The following MBOAT1 variants were observed in gnomAD, a reference collection of about 807,000 sequenced individuals.
MBOAT1 encodes the protein membrane-bound glycerophospholipid O-acyltransferase 1.
Under a neutral mutation model 64.4 loss-of-function variants are expected in MBOAT1, and 67 were observed. That is an observed-to-expected ratio of 1.04 (90% CI 0.85 to 1.27). The LOEUF (loss-of-function observed/expected upper bound fraction) is 1.27. MBOAT1 is among the 50% of genes most tolerant of loss of function. The pLI is 0.00. For synonymous variants in MBOAT1, 229 were observed against 218.9 expected (o/e 1.05, Z -0.41); for missense variants, 563 against 604.6 (o/e 0.93, Z 0.72).
intron 3 of MBOAT1, among the ~76,000 whole-genome samples, chr6:20,146,803 A>G (rs1323031799): frequency 6.6e-6 from 1 of 152,180 alleles, no homozygotes; most frequent in Non-Finnish European, 1.5e-5. Flanking sequence ...GTCCCAATAC[A>G]ACAGGGCAAC....
At chr6:20,205,736 G>A (rs1359265812) in intron 1 of MBOAT1, among the ~76,000 whole-genome samples, 2 of 151,980 alleles carry the variant, frequency 1.3e-5, no homozygotes, top group African/African-American at 2.4e-5. Flanking sequence ...TACATTCAAT[G>A]CCCTCAGACT....
intron 1 of MBOAT1, among the ~76,000 whole-genome samples, chr6:20,189,298 T>C (rs573053928): frequency 1.3e-5 from 2 of 152,336 alleles, no homozygotes; most frequent in East Asian, 1.9e-4. Context: ...GAAATACACA[T>C]AGATTGTGGA....
intron 4 of MBOAT1, among the ~76,000 whole-genome samples, chr6:20,141,513 T>C (rs1761177154): frequency 6.6e-6 from 1 of 151,896 alleles, no homozygotes; most frequent in African/African-American, 2.4e-5. Context: ...GCACGCACCA[T>C]CACACCCAGC....
intron 1 of MBOAT1, among the ~76,000 whole-genome samples, chr6:20,176,622 T>C (rs1265409080): frequency 6.6e-6 from 1 of 152,098 alleles, no homozygotes; most frequent in African/African-American, 2.4e-5. Flanking sequence ...ACTTCAGAAA[T>C]AGCTAATTTT....
rs116304642 is a variant in MBOAT1, at chr6:20,157,563, C to T, written c.100-4794G>A. Among the ~76,000 whole-genome samples, 950 of 152,196 alleles carry T rather than the reference C, an allele frequency of 6.2e-3. 15 individuals carry two copies. Among genetic ancestry groups the T allele is most frequent in the African/African-American group, 0.021 (877 of 41,524 alleles). On this transcript the variant is annotated intron_variant, in intron 1 of 12. Transcript: ENST00000324607. ...GCCCACACATTCCCTGCACTACCTA[C>T]GTACACTCACATACACAAACAGTGA... is the stretch of plus-strand genomic sequence containing the variant.
At chr6:20,144,442 C>T (rs1208894876) in intron 3 of MBOAT1, 127 bp from the exon 4 acceptor site, 2 of 631,416 alleles carry the variant, frequency 3.2e-6, no homozygotes, top group African/African-American at 3.6e-5. Context: ...GGTCTGACGA[C>T]ATCCCAGGCC....
intron 7 of MBOAT1, among the ~76,000 whole-genome samples, chr6:20,125,369 G>C (rs1188567471): frequency 6.6e-6 from 1 of 152,200 alleles, no homozygotes; most frequent in Non-Finnish European, 1.5e-5. Flanking sequence ...ACAGTGCCTG[G>C]ATCCCAGTTA....
intron 4 of MBOAT1, among the ~76,000 whole-genome samples, chr6:20,141,055 G>A (rs1476788147): frequency 1.3e-5 from 2 of 152,130 alleles, no homozygotes; most frequent in Admixed American, 6.5e-5. Flanking sequence ...GGTACAGGGA[G>A]TGGGGGGAGG....
chr6:20,118,000 A>G (rs1760377963), intron 9 of MBOAT1, among the ~76,000 whole-genome samples: 1 of 152,214 alleles, frequency 6.6e-6, no homozygotes, highest in Non-Finnish European at 1.5e-5. Context: ...TCTTCTTACA[A>G]GTGAATGGAT....
rs1561773405 is a variant in MBOAT1, at chr6:20,168,640, A to AGAGAG, written c.100-15876_100-15872dup. ...AGAGAAGAGAAGAGAAGAGAAGAGA[A>AGAGAG]GAGAGGAGAGGAGAGGGAAAGAGAG... On this transcript the variant is annotated intron_variant, in intron 1 of 12. Transcript: ENST00000324607. Among the ~76,000 whole-genome samples the AGAGAG allele has an allele frequency of 1.3e-4, 7 of 53,680 alleles. No homozygotes were observed. In the South Asian group the frequency reaches 2.0e-3, roughly 15 times the overall value. 35.2% of individuals were successfully genotyped at this position (53,680 alleles called of 152,430 possible). A position where few individuals can be genotyped will look rare whatever the true frequency, so the allele number is the denominator to read the frequency against.
intron 1 of MBOAT1, among the ~76,000 whole-genome samples, chr6:20,185,237 C>T (rs972273797): frequency 6.6e-6 from 1 of 152,082 alleles, no homozygotes; most frequent in African/African-American, 2.4e-5. Context: ...GTGACAGTGA[C>T]AGAGCAAGAC....
In MBOAT1 at chr6:20,112,916, G is replaced by T. The variant is rs775107568; in HGVS notation, c.1169C>A (p.Thr390Asn). ...WHGVYPGYYF[T>N]FLTGILVTLA... Reference sequence around the variant, plus strand: ...TGTGACAAGAATTCCAGTTAAGAAGGTAAAATAGTATCCAGGGTAGACACC... The same window carrying T: ...TGTGACAAGAATTCCAGTTAAGAAGTTAAAATAGTATCCAGGGTAGACACC... The change falls in exon 11 of 13, where the codon ACC becomes AAC. Residue 390 changes from threonine to asparagine, a missense_variant. Thr to Asn is a moderately conservative substitution (Grantham distance 65, BLOSUM62 0). Coordinates refer to ENST00000324607, the MANE Select transcript of MBOAT1 (RefSeq NM_001080480.3). The T allele has an allele frequency of 6.2e-7, 1 of 1,614,074 alleles. No individual in the cohort carries two copies. The highest frequency in any genetic ancestry group is 1.1e-5 in the South Asian group (1 of 91,082).
At chr6:20,172,076 A>G (rs1762213099) in intron 1 of MBOAT1, among the ~76,000 whole-genome samples, 2 of 152,064 alleles carry the variant, frequency 1.3e-5, no homozygotes, top group African/African-American at 4.8e-5. Flanking sequence ...GAAGAAGAAG[A>G]AAAAGAAAAG....
intron 1 of MBOAT1, among the ~76,000 whole-genome samples, chr6:20,202,771 C>T (rs546703866): frequency 1.3e-5 from 2 of 152,176 alleles, no homozygotes; most frequent in Non-Finnish European, 2.9e-5. Flanking sequence ...ACTGACGACT[C>T]TCTATCCTTG....
chr6:20,168,645 G>GAGAAGAGAAGAGAAGAGAA (rs1561773422), intron 1 of MBOAT1, among the ~76,000 whole-genome samples: 42 of 89,182 alleles, frequency 4.7e-4, no homozygotes, highest in African/African-American at 2.2e-3. Context: ...AGAGAAGAGA[G>GAGAAGAGAAGAGAAGAGAA]GAGAGGAGAG....
chr6:20,202,351 C>CGTTTTGTTCT (rs1763145796), intron 1 of MBOAT1, among the ~76,000 whole-genome samples: 2 of 151,456 alleles, frequency 1.3e-5, no homozygotes. Flanking sequence ...CCCTGGTTTT[C>CGTTTTGTTCT]GTTTTGTTTT....
At chr6:20,141,057 G>T (rs982157618) in intron 4 of MBOAT1, among the ~76,000 whole-genome samples, 7 of 152,082 alleles carry the variant, frequency 4.6e-5, no homozygotes, top group African/African-American at 1.7e-4. Flanking sequence ...TACAGGGAGT[G>T]GGGGGAGGGA....
intron 6 of MBOAT1, among the ~76,000 whole-genome samples, chr6:20,128,112 G>A (rs1030826738): frequency 1.3e-5 from 2 of 151,164 alleles, no homozygotes; most frequent in Non-Finnish European, 2.9e-5. Context: ...GGCTGCACCC[G>A]ATGTGCTACC....
At chr6:20,128,578 CATAAA>C in intron 6 of MBOAT1, 116 bp downstream of exon 6, 1 of 686,268 alleles carries the variant, frequency 1.5e-6, no homozygotes, top group Non-Finnish European at 2.3e-6. Flanking sequence ...ATAGCAGATT[CATAAA>C]ATAAATGATA....
Sources: gnomAD v4.1 joint callset for allele counts (sites outside exome capture counted in the v4.1 genomes callset) on GRCh38, gnomAD v4.1.1 for gene constraint, MANE v1.5 for transcripts, NCBI Gene and HGNC (gene_info 2026-07-23, HGNC 2026-07-21) for gene names.